Variants in WDFY1 observed in about 807,000 individuals in gnomAD.
WDFY1 encodes the protein WD repeat and FYVE domain containing 1.
In WDFY1, 32 loss-of-function variants were observed where a neutral mutation model predicts 56.4. The observed-to-expected ratio is 0.57, with a 90% confidence interval of 0.43 to 0.76. The LOEUF is 0.76. WDFY1 is among the 30% of genes least tolerant of loss of function. The pLI is 0.00. For missense variants in WDFY1, 480 were observed against 545.7 expected (o/e 0.88, Z 1.20); for synonymous variants, 192 against 197.3 (o/e 0.97, Z 0.23).
chr2:223,912,701 CAA>C (rs946633836), intron 2 of WDFY1, among the ~76,000 whole-genome samples: 20 of 152,260 alleles, frequency 1.3e-4, no homozygotes, highest in African/African-American at 4.6e-4. Context: ...CATCAAATGT[CAA>C]AGAGTAGCTG....
chr2:223,911,125 A>T (rs914778885), intron 3 of WDFY1, among the ~76,000 whole-genome samples: 1 of 152,226 alleles, frequency 6.6e-6, no homozygotes, highest in Non-Finnish European at 1.5e-5. Context: ...CATTATGTTA[A>T]GTGAAAGACA....
At chr2:223,908,098 C>T (rs763387736) in intron 3 of WDFY1, among the ~76,000 whole-genome samples, 3 of 152,118 alleles carry the variant, frequency 2.0e-5, no homozygotes, top group Non-Finnish European at 4.4e-5. Context: ...GGGCTCAATC[C>T]TCCTGCCTAA....
At chr2:223,942,825 G>A (rs1055514478) in intron 1 of WDFY1, among the ~76,000 whole-genome samples, 2 of 147,154 alleles carry the variant, frequency 1.4e-5, no homozygotes, top group African/African-American at 2.5e-5. Context: ...GTGAGCCACC[G>A]CGCCCGGCCC....
At chr2:223,937,503 A>G (rs1198682168) in intron 1 of WDFY1, among the ~76,000 whole-genome samples, 1 of 152,178 alleles carries the variant, frequency 6.6e-6, no homozygotes, top group Non-Finnish European at 1.5e-5. Context: ...CACGTGGTTT[A>G]ATTCACCTAA....
chr2:223,902,473 G>A (rs1693521552), intron 4 of WDFY1, among the ~76,000 whole-genome samples: 1 of 152,190 alleles, frequency 6.6e-6, no homozygotes, highest in African/African-American at 2.4e-5. Context: ...GCTGAGATGG[G>A]AGGATCCCTT....
intron 1 of WDFY1, among the ~76,000 whole-genome samples, chr2:223,923,717 C>T (rs1467977325): frequency 6.6e-6 from 1 of 151,918 alleles, no homozygotes; most frequent in Admixed American, 6.6e-5. Flanking sequence ...GCCGAGATCG[C>T]GCCACTGCAC....
intron 1 of WDFY1, among the ~76,000 whole-genome samples, chr2:223,919,131 C>T (rs73994438): frequency 0.013 from 2,045 of 152,312 alleles, 38 homozygotes; most frequent in Middle Eastern, 0.058. Flanking sequence ...CAGGTGATCG[C>T]CCTGCTCTGC....
chr2:223,941,298 C>A (rs1302032844), intron 1 of WDFY1, among the ~76,000 whole-genome samples: 5 of 151,892 alleles, frequency 3.3e-5, no homozygotes, highest in African/African-American at 1.2e-4. Context: ...CAAAACAAAA[C>A]CGGACACTGG....
intron 1 of WDFY1, 145 bp downstream of exon 1, chr2:223,945,003 G>A: frequency 1.0e-6 from 1 of 961,994 alleles, no homozygotes; most frequent in Non-Finnish European, 1.4e-6. Flanking sequence ...CGGGAACCCG[G>A]CGGAGCTAAG....
chr2:223,876,450 C>A lies in WDFY1; in HGVS notation c.*2221G>T, dbSNP rs554312037. The A allele has an allele frequency of 6.5e-6, 1 of 152,680 alleles. No homozygotes were observed. Among genetic ancestry groups the A allele is most frequent in the Non-Finnish European group, 1.5e-5 (1 of 68,008 alleles). 9.5% of individuals were successfully genotyped at this position (152,680 alleles called of 1,614,324 possible). ...TACCTAGCATATGAGAGAGACAAGACTAGCCTGTCACGTTTGTCTCTAAAA... is the reference window on the plus strand; with the variant it reads ...TACCTAGCATATGAGAGAGACAAGAATAGCCTGTCACGTTTGTCTCTAAAA... On this transcript the variant is annotated 3_prime_UTR_variant, in exon 12 of 12. Coordinates refer to ENST00000233055, the MANE Select transcript of WDFY1 (RefSeq NM_020830.5).
chr2:223,886,729 TAAAAAAAAA>T (rs34317110), intron 8 of WDFY1, among the ~76,000 whole-genome samples: 2 of 95,632 alleles, frequency 2.1e-5, no homozygotes, highest in African/African-American at 4.0e-5. Context: ...AAACTCCGTC[TAAAAAAAAA>T]AAAAAAAAAA....
chr2:223,904,313 G>A (rs1693561550), intron 4 of WDFY1, among the ~76,000 whole-genome samples: 1 of 152,204 alleles, frequency 6.6e-6, no homozygotes, highest in African/African-American at 2.4e-5. Context: ...GTGCAGTGGT[G>A]CGATTTTGGT....
chr2:223,899,687 A>G (rs547325016), intron 5 of WDFY1, among the ~76,000 whole-genome samples: 243 of 152,320 alleles, frequency 1.6e-3, no homozygotes, highest in Non-Finnish European at 2.4e-3. Flanking sequence ...CAGAGGCTGC[A>G]GTGAGCTGAG....
Position 223,922,194 on chromosome 2 carries a change from A to G in WDFY1, c.138-4184T>C, listed in dbSNP as rs144618386. ...CACCCTACCAAGAACTCTTCTCTCC[A>G]GACAGTGTTTTCTGAGCAGATCACA... On this transcript the variant is annotated intron_variant, in intron 1 of 11. Coordinates refer to ENST00000233055, the MANE Select transcript of WDFY1 (RefSeq NM_020830.5). Among the ~76,000 whole-genome samples, 23 of 152,340 alleles carry G rather than the reference A, an allele frequency of 1.5e-4. No individual in the cohort carries two copies. In the East Asian group the frequency reaches 4.4e-3, roughly 29 times the overall value.
chr2:223,912,192 G>T, intron 3 of WDFY1, 61 bp downstream of exon 3: 1 of 1,491,140 alleles, frequency 6.7e-7, no homozygotes, highest in Non-Finnish European at 9.1e-7. Flanking sequence ...TGGGACATGG[G>T]AGGTCAATAT....
chr2:223,883,352 CA>C (rs1693108383), intron 9 of WDFY1, among the ~76,000 whole-genome samples: 1 of 152,152 alleles, frequency 6.6e-6, no homozygotes, highest in African/African-American at 2.4e-5. Flanking sequence ...CTTTTACCGC[CA>C]AAAGTTTAGT....
At chr2:223,905,641 T>G (rs1277514439) in intron 4 of WDFY1, among the ~76,000 whole-genome samples, 2 of 152,116 alleles carry the variant, frequency 1.3e-5, no homozygotes, top group African/African-American at 4.8e-5. Flanking sequence ...TACACTCAGT[T>G]ATATACACAC....
chr2:223,932,830 A>T (rs1673414163), intron 1 of WDFY1, among the ~76,000 whole-genome samples: 1 of 149,598 alleles, frequency 6.7e-6, no homozygotes, highest in African/African-American at 2.5e-5. Flanking sequence ...AGCAAAGGAT[A>T]TTTTTTCCTA....
chr2:223,913,558 C>T (rs1693738937), intron 2 of WDFY1, among the ~76,000 whole-genome samples: 1 of 152,120 alleles, frequency 6.6e-6, no homozygotes, highest in Admixed American at 6.6e-5. Flanking sequence ...GATATATATA[C>T]ATATCTTTAT....
Sources: allele counts gnomAD v4.1 joint callset (sites outside exome capture counted in the v4.1 genomes callset), GRCh38; gene constraint gnomAD v4.1.1; transcripts MANE v1.5; gene names NCBI Gene and HGNC (gene_info 2026-07-23, HGNC 2026-07-21).